THRB: variants seen among roughly 807,000 people sequenced by gnomAD.
The protein encoded by THRB is thyroid hormone receptor beta, also known as nuclear receptor subfamily 1 group A member 2.
THRB carries 12 observed loss-of-function variants against 47.8 expected under a neutral mutation model. That is an observed-to-expected ratio of 0.25 (90% CI 0.16 to 0.41). The LOEUF (loss-of-function observed/expected upper bound fraction) is 0.41. Among genes scored for constraint, THRB ranks in the 10% least tolerant of loss-of-function variants. The pLI is 1.00. For missense variants in THRB, 348 were observed against 589.2 expected (o/e 0.59, Z 4.24); for synonymous variants, 218 against 212.2 (o/e 1.03, Z -0.24).
At chr3:24,198,484 A>G (rs2044240271) in intron 4 of THRB, among the ~76,000 whole-genome samples, 1 of 106,400 alleles carries the variant, frequency 9.4e-6, no homozygotes, top group Non-Finnish European at 1.7e-5. Context: ...TTTAACTACT[A>G]GTAATTACAG....
intron 1 of THRB, among the ~76,000 whole-genome samples, chr3:24,352,084 G>A (rs755162589): frequency 2.7e-4 from 41 of 152,076 alleles, no homozygotes; most frequent in Non-Finnish European, 5.9e-4. Context: ...CTCTTTTGAG[G>A]GTGTAAAGTC....
chr3:24,467,812 A>G (rs2074270561), intron 1 of THRB, among the ~76,000 whole-genome samples: 1 of 152,206 alleles, frequency 6.6e-6, no homozygotes, highest in South Asian at 2.1e-4. Flanking sequence ...AGGTATTCAT[A>G]ATGGCAAATG....
chr3:24,196,911 G>T (rs199517458), intron 4 of THRB, among the ~76,000 whole-genome samples: 1 of 152,172 alleles, frequency 6.6e-6, no homozygotes, highest in East Asian at 1.9e-4. Context: ...TCAAGGTCTA[G>T]TTCATCATTT....
intron 2 of THRB, among the ~76,000 whole-genome samples, chr3:24,305,653 A>G (rs2057285812): frequency 1.3e-5 from 2 of 152,194 alleles, no homozygotes; most frequent in African/African-American, 4.8e-5. Flanking sequence ...ATTTTAATAT[A>G]TTTTAATAAT....
At chr3:24,369,557 C>T (rs1184472049) in intron 1 of THRB, among the ~76,000 whole-genome samples, 1 of 152,114 alleles carries the variant, frequency 6.6e-6, no homozygotes, top group Non-Finnish European at 1.5e-5. Context: ...CGATAGAAGT[C>T]TATCCATTGG....
chr3:24,409,300 T>C (rs548351554), intron 1 of THRB, among the ~76,000 whole-genome samples: 1 of 151,968 alleles, frequency 6.6e-6, no homozygotes, highest in South Asian at 2.1e-4. Flanking sequence ...ATATGAAAGA[T>C]ATTTGGGTAT....
At chr3:24,312,807 A>C (rs1274504908) in intron 2 of THRB, among the ~76,000 whole-genome samples, 1 of 152,168 alleles carries the variant, frequency 6.6e-6, no homozygotes, top group Non-Finnish European at 1.5e-5. Flanking sequence ...TTTTTAGTCT[A>C]ATGGAAAACC....
chr3:24,166,820 T>G (rs369770810), intron 5 of THRB, among the ~76,000 whole-genome samples: 151 of 152,266 alleles, frequency 9.9e-4, no homozygotes, highest in African/African-American at 3.6e-3. Context: ...ATACTGTAAT[T>G]TTCAACAGTG....
chr3:24,230,761 T>C (rs1576136747), intron 3 of THRB, among the ~76,000 whole-genome samples: 1 of 152,234 alleles, frequency 6.6e-6, no homozygotes, highest in Non-Finnish European at 1.5e-5. Flanking sequence ...TGGCTTGGAC[T>C]GTGCCCCACC....
chr3:24,155,013 T>G (rs770678837), intron 5 of THRB, among the ~76,000 whole-genome samples: 6 of 152,190 alleles, frequency 3.9e-5, no homozygotes, highest in Non-Finnish European at 7.4e-5. Flanking sequence ...GTTGGGAAGA[T>G]GCAGGTAGTT....
At chr3:24,388,242 C>T (rs2066289270) in intron 1 of THRB, among the ~76,000 whole-genome samples, 1 of 152,146 alleles carries the variant, frequency 6.6e-6, no homozygotes, top group African/African-American at 2.4e-5. Context: ...CTCTGAAGGG[C>T]TACCAAGTTT....
chr3:24,353,258 C>T (rs1371851879), intron 1 of THRB, among the ~76,000 whole-genome samples: 2 of 151,518 alleles, frequency 1.3e-5, no homozygotes, highest in Admixed American at 6.6e-5. Context: ...CCATAAGTAA[C>T]GCTAAAGGTT....
intron 1 of THRB, among the ~76,000 whole-genome samples, chr3:24,389,070 T>C (rs2066353099): frequency 6.6e-6 from 1 of 152,190 alleles, no homozygotes; most frequent in African/African-American, 2.4e-5. Context: ...ACTATTTGGA[T>C]GTTTGAAGAT....
chr3:24,361,134 G>T (rs951081424), intron 1 of THRB, among the ~76,000 whole-genome samples: 7 of 152,106 alleles, frequency 4.6e-5, no homozygotes, highest in African/African-American at 1.7e-4. Context: ...AAAACTGTGT[G>T]AACAAAATAA....
chr3:24,120,318 A>G lies in THRB; in HGVS notation c.*2566T>C, dbSNP rs565247144. On this transcript the variant is annotated 3_prime_UTR_variant, in exon 11 of 11. Coordinates refer to ENST00000646209, the MANE Select transcript of THRB (RefSeq NM_001354712.2). Reference sequence around the variant, plus strand: ...GCCTATTGAAGGCAATCAATCATTTAAGGTGCCAAGGATCAAACGTTCCTT... The same window carrying G: ...GCCTATTGAAGGCAATCAATCATTTGAGGTGCCAAGGATCAAACGTTCCTT... The G allele has an allele frequency of 2.0e-5, 3 of 152,246 alleles. No individual in the cohort carries two copies. The highest frequency in any genetic ancestry group is 4.4e-5 in the Non-Finnish European group (3 of 68,054). 9.4% of individuals were successfully genotyped at this position (152,246 alleles called of 1,614,324 possible). A position where few individuals can be genotyped will look rare whatever the true frequency, so the allele number is the denominator to read the frequency against.
chr3:24,173,703 G>A (rs936026198), intron 5 of THRB, among the ~76,000 whole-genome samples: 1 of 152,168 alleles, frequency 6.6e-6, no homozygotes, highest in Non-Finnish European at 1.5e-5. Flanking sequence ...TTCAAGGGAT[G>A]ATCTCCTCAT....
chr3:24,456,524 C>G (rs1456715627), intron 1 of THRB, among the ~76,000 whole-genome samples: 1 of 151,546 alleles, frequency 6.6e-6, no homozygotes, highest in East Asian at 1.9e-4. Flanking sequence ...ATCTTCCTAT[C>G]ATTCAGTAAC....
At chr3:24,198,267 G>A (rs1180040492) in intron 4 of THRB, among the ~76,000 whole-genome samples, 1 of 152,186 alleles carries the variant, frequency 6.6e-6, no homozygotes, top group Non-Finnish European at 1.5e-5. Flanking sequence ...ATTGTTGGCT[G>A]TTTCTAAAGG....
chr3:24,257,002 C>G (rs2051356471), intron 3 of THRB, among the ~76,000 whole-genome samples: 1 of 152,018 alleles, frequency 6.6e-6, no homozygotes, highest in African/African-American at 2.4e-5. Flanking sequence ...AAGCCCTTTG[C>G]AGAAAGATAG....
Sources: gnomAD v4.1 joint callset for allele counts (sites outside exome capture counted in the v4.1 genomes callset) on GRCh38, gnomAD v4.1.1 for gene constraint, MANE v1.5 for transcripts, NCBI Gene and HGNC (gene_info 2026-07-23, HGNC 2026-07-21) for gene names.